Variants in LRGUK observed in about 807,000 individuals in gnomAD.
LRGUK encodes the protein leucine-rich repeat and guanylate kinase domain-containing protein.
Under a neutral mutation model 76.0 loss-of-function variants are expected in LRGUK, and 65 were observed. The ratio of observed to expected loss-of-function variants is 0.85; its 90% CI spans 0.70 to 1.05. LRGUK has a LOEUF of 1.05. Ranked by LOEUF, LRGUK falls within the 50% of genes least tolerant of loss-of-function variation. The pLI, the probability that LRGUK is intolerant of heterozygous loss-of-function variation, is 0.00. For missense variants in LRGUK, 758 were observed against 732.8 expected (o/e 1.03, Z -0.40); for synonymous variants, 268 against 265.6 (o/e 1.01, Z -0.09).
chr7:134,236,974 A>G (rs919485267), intron 16 of LRGUK, among the ~76,000 whole-genome samples: 1 of 152,042 alleles, frequency 6.6e-6, no homozygotes, highest in Non-Finnish European at 1.5e-5. Context: ...ATTAGCTGGA[A>G]TAATACTATA....
At chr7:134,151,526 A>T (rs144208460) in intron 5 of LRGUK, among the ~76,000 whole-genome samples, 157 of 152,242 alleles carry the variant, frequency 1.0e-3, no homozygotes, top group African/African-American at 3.5e-3. Flanking sequence ...AGGCATATTC[A>T]CAATTCATTT....
intron 8 of LRGUK, 21 bp downstream of exon 8, chr7:134,174,657 G>A (rs1435561998): frequency 2.9e-6 from 4 of 1,383,348 alleles, no homozygotes; most frequent in Admixed American, 1.7e-5. Flanking sequence ...ATTTATATCA[G>A]GGAGGGAGAC....
exon 16 of LRGUK, chr7:134,208,910 G>C: frequency 2.5e-6 from 1 of 399,066 alleles, no homozygotes; most frequent in Non-Finnish European, 4.4e-6. Flanking sequence ...CCATCAAAAA[G>C]AGCTTTCTCC....
At chr7:134,208,636 G>C (rs1238946458) in intron 15 of LRGUK, 1 of 397,814 alleles carries the variant, frequency 2.5e-6, no homozygotes, top group East Asian at 3.6e-5. Context: ...GGGGAAAGAT[G>C]TTTTTCTTAT....
chr7:134,240,525 C>A (rs1407113121), intron 16 of LRGUK, among the ~76,000 whole-genome samples: 1 of 152,166 alleles, frequency 6.6e-6, no homozygotes, highest in Non-Finnish European at 1.5e-5. Flanking sequence ...AAGAAATGAA[C>A]AAAGCCTCCA....
At chr7:134,142,827 A>T (rs1172458958) in intron 3 of LRGUK, among the ~76,000 whole-genome samples, 4 of 152,340 alleles carry the variant, frequency 2.6e-5, no homozygotes, top group Non-Finnish European at 4.4e-5. Context: ...AGGGCATACA[A>T]GGATTGGCCA....
At chr7:134,255,287 G>A (rs909504587) in intron 18 of LRGUK, among the ~76,000 whole-genome samples, 4 of 151,240 alleles carry the variant, frequency 2.6e-5, no homozygotes, top group Non-Finnish European at 2.9e-5. Context: ...ACTACCCGGC[G>A]AGAAAAAAAT....
intron 6 of LRGUK, among the ~76,000 whole-genome samples, chr7:134,159,285 C>T (rs940605599): frequency 6.7e-6 from 1 of 148,184 alleles, no homozygotes; most frequent in Admixed American, 6.8e-5. Context: ...TGCAGTGAGT[C>T]ACGATCATGT....
chr7:134,220,378 G>A (rs1031525782), intron 15 of LRGUK, among the ~76,000 whole-genome samples: 1 of 152,024 alleles, frequency 6.6e-6, no homozygotes, highest in Admixed American at 6.6e-5. Flanking sequence ...TTGTGTTATT[G>A]GTTTGGGATT....
intron 10 of LRGUK, among the ~76,000 whole-genome samples, chr7:134,181,138 C>T (rs1799726160): frequency 6.6e-6 from 1 of 152,104 alleles, no homozygotes; most frequent in South Asian, 2.1e-4. Context: ...ATATTGATGT[C>T]CCTTGAGTCA....
intron 1 of LRGUK, 147 bp from the exon 2 acceptor site, chr7:134,136,876 C>A: frequency 1.6e-6 from 1 of 611,840 alleles, no homozygotes; most frequent in Non-Finnish European, 2.9e-6. Flanking sequence ...ATGTTATCAA[C>A]ACAGAATTTT....
At chr7:134,220,393 C>T (rs1554473161) in intron 15 of LRGUK, among the ~76,000 whole-genome samples, 1 of 152,096 alleles carries the variant, frequency 6.6e-6, no homozygotes, top group Non-Finnish European at 1.5e-5. Flanking sequence ...GGGATTGCCA[C>T]ACAGTTTGGG....
At chr7:134,212,180 T>G (rs1585564376), downstream of LRGUK, among the ~76,000 whole-genome samples, 1 of 152,334 alleles carries the variant, frequency 6.6e-6, no homozygotes, top group East Asian at 1.9e-4. Flanking sequence ...CCTAGCTTGG[T>G]TTAGGCACTT....
Position 134,172,389 on chromosome 7 carries a change from T to C in LRGUK, c.940-2167T>C, listed in dbSNP as rs117078761. On this transcript the variant is annotated intron_variant, in intron 7 of 15. Coordinates refer to ENST00000645682, the Ensembl canonical transcript of LRGUK. The stretch of plus-strand genomic sequence containing the variant: ...ATAAATTTTTTTAAAGAAAAGACTT[T>C]AGTAGTTCCCTTTAGATCCAGATGG... Among the ~76,000 whole-genome samples the C allele has an allele frequency of 8.3e-4, 126 of 152,324 alleles. 2 individuals are homozygous for C. In the East Asian group the frequency reaches 0.018, roughly 22 times the overall value.
At chr7:134,136,362 A>G (rs541896733) in intron 1 of LRGUK, among the ~76,000 whole-genome samples, 1 of 152,340 alleles carries the variant, frequency 6.6e-6, no homozygotes, top group Non-Finnish European at 1.5e-5. Context: ...ATCTAGCAAC[A>G]TTGACTAATA....
chr7:134,229,186 G>A (rs1801830888), intron 16 of LRGUK, among the ~76,000 whole-genome samples: 1 of 151,946 alleles, frequency 6.6e-6, no homozygotes, highest in African/African-American at 2.4e-5. Context: ...AACCAGCCTG[G>A]CTAACATATC....
chr7:134,253,680 T>C (rs1483434189), intron 18 of LRGUK, among the ~76,000 whole-genome samples: 2 of 152,064 alleles, frequency 1.3e-5, no homozygotes, highest in African/African-American at 4.8e-5. Context: ...CCAGATGTGG[T>C]GGTGCACACC....
intron 16 of LRGUK, among the ~76,000 whole-genome samples, chr7:134,246,518 T>C (rs544718244): frequency 1.3e-5 from 2 of 152,364 alleles, no homozygotes; most frequent in African/African-American, 4.8e-5. Flanking sequence ...CCCCCAAGGC[T>C]AAGACAGGTG....
intron 11 of LRGUK, among the ~76,000 whole-genome samples, chr7:134,189,920 T>A (rs1451620390): frequency 6.6e-6 from 1 of 152,228 alleles, no homozygotes; most frequent in East Asian, 1.9e-4. Context: ...TTCTTAAGTA[T>A]AATGGAAAGG....
Sources: allele counts gnomAD v4.1 joint callset (sites outside exome capture counted in the v4.1 genomes callset), GRCh38; gene constraint gnomAD v4.1.1; transcripts MANE v1.5; gene names NCBI Gene and HGNC (gene_info 2026-07-23, HGNC 2026-07-21).